B3GALT1: variants seen among roughly 807,000 people sequenced by gnomAD.
B3GALT1 encodes the protein UDP-Gal:betaGlcNAc beta 1,3-galactosyltransferase, polypeptide 1.
A neutral mutation model predicts 23.2 loss-of-function variants in B3GALT1; 10 were observed. The observed-to-expected ratio is 0.43, with a 90% CI of 0.27 to 0.73. The LOEUF (loss-of-function observed/expected upper bound fraction) is 0.73, where lower values mean the gene tolerates loss of function less well. Ranked by LOEUF, B3GALT1 falls within the 30% of genes least tolerant of loss-of-function variation. The pLI is 0.21. For synonymous variants in B3GALT1, 156 were observed against 141.5 expected (o/e 1.10, Z -0.73); for missense variants, 299 against 405.4 (o/e 0.74, Z 2.25).
intron 2 of B3GALT1, among the ~76,000 whole-genome samples, chr2:167,494,828 A>G (rs1439372273): frequency 6.6e-6 from 1 of 152,144 alleles, no homozygotes; most frequent in Non-Finnish European, 1.5e-5. Flanking sequence ...ATCATTTGGG[A>G]GACATTTTGA....
intron 3 of B3GALT1, among the ~76,000 whole-genome samples, chr2:167,799,465 C>G (rs550832861): frequency 5.8e-4 from 88 of 152,220 alleles, no homozygotes; most frequent in African/African-American, 2.0e-3. Context: ...TTAAAAGAAG[C>G]CTGCATCCAA....
At chr2:167,626,794 T>C (rs903727188) in intron 2 of B3GALT1, among the ~76,000 whole-genome samples, 5 of 151,736 alleles carry the variant, frequency 3.3e-5, no homozygotes, top group East Asian at 1.9e-4. Flanking sequence ...CAAATACATA[T>C]AGTAAATATT....
At chr2:167,487,912 CA>C (rs1378249382) in intron 1 of B3GALT1, among the ~76,000 whole-genome samples, 1 of 152,008 alleles carries the variant, frequency 6.6e-6, no homozygotes, top group African/African-American at 2.4e-5. Context: ...GCAGAATGAC[CA>C]GAAGTAGATG....
intron 2 of B3GALT1, among the ~76,000 whole-genome samples, chr2:167,520,244 G>T (rs1288216563): frequency 6.6e-6 from 1 of 152,068 alleles, no homozygotes; most frequent in Non-Finnish European, 1.5e-5. Flanking sequence ...AAGGATTGTG[G>T]GAATTTAACC....
At chr2:167,573,839 A>C (rs1244222549) in intron 2 of B3GALT1, among the ~76,000 whole-genome samples, 1 of 151,692 alleles carries the variant, frequency 6.6e-6, no homozygotes, top group African/African-American at 2.4e-5. Context: ...TAAAGAATAA[A>C]TAATCTGACA....
Position 167,528,680 on chromosome 2 carries a change from G to GT in B3GALT1, c.-410+38409dup, listed in dbSNP as rs371226551. Among the ~76,000 whole-genome samples the GT allele has an allele frequency of 1.0e-3, 159 of 152,264 alleles. 2 individuals carry two copies. The highest frequency in any genetic ancestry group is 3.7e-3 in the African/African-American group (153 of 41,554). On this transcript the variant is annotated intron_variant, in intron 2 of 4. Coordinates refer to ENST00000392690, the MANE Select transcript of B3GALT1 (RefSeq NM_020981.4). ...GAAATAGAACTACATGCTCTATACAGTTTTTTCATTAATTCTTCTCTTGTT... is the reference window on the plus strand; with the variant it reads ...GAAATAGAACTACATGCTCTATACAGTTTTTTTCATTAATTCTTCTCTTGTT...
At chr2:167,545,824 C>A (rs181113817) in intron 2 of B3GALT1, among the ~76,000 whole-genome samples, 4 of 152,268 alleles carry the variant, frequency 2.6e-5, no homozygotes, top group Non-Finnish European at 5.9e-5. Flanking sequence ...TAACCCTTAT[C>A]CAAAATGCTT....
intron 3 of B3GALT1, among the ~76,000 whole-genome samples, chr2:167,735,282 G>T (rs1402769676): frequency 6.6e-6 from 1 of 152,096 alleles, no homozygotes; most frequent in Non-Finnish European, 1.5e-5. Context: ...TTGTTACTTT[G>T]GACTTGCCAA....
chr2:167,721,490 T>C (rs989301205), intron 3 of B3GALT1, among the ~76,000 whole-genome samples: 3 of 152,128 alleles, frequency 2.0e-5, no homozygotes, highest in South Asian at 2.1e-4. Flanking sequence ...GCCAGATGTA[T>C]CTTAAGAGAG....
intron 1 of B3GALT1, among the ~76,000 whole-genome samples, chr2:167,459,767 C>T (rs898712816): frequency 8.5e-5 from 13 of 152,114 alleles, no homozygotes; most frequent in African/African-American, 1.9e-4. Flanking sequence ...CTCCCTTGAA[C>T]GTTTCTTGCA....
intron 1 of B3GALT1, among the ~76,000 whole-genome samples, chr2:167,456,766 G>C (rs1020708156): frequency 1.3e-5 from 2 of 152,138 alleles, no homozygotes; most frequent in Non-Finnish European, 2.9e-5. Context: ...GGATATGGGT[G>C]GGGGGCATGT....
chr2:167,460,545 G>A (rs934844991), intron 1 of B3GALT1, among the ~76,000 whole-genome samples: 19 of 151,714 alleles, frequency 1.3e-4, no homozygotes, highest in East Asian at 1.9e-4. Context: ...AAACCTTTGG[G>A]CAACTTTAAG....
rs944362962 is a variant in B3GALT1, at chr2:167,440,128, G to A, written c.-510-50049G>A. On this transcript the variant is annotated intron_variant, in intron 1 of 4. Transcript: ENST00000392690. Reference sequence around the variant, plus strand: ...GGAGGCCGAGGCGGGCGGATCACGAGGTCAGGAGATCAAGACCATCCTGGC... The same window carrying A: ...GGAGGCCGAGGCGGGCGGATCACGAAGTCAGGAGATCAAGACCATCCTGGC... Among the ~76,000 whole-genome samples, 19 of 151,906 alleles carry A rather than the reference G, an allele frequency of 1.3e-4. No homozygotes were observed. In the East Asian group the frequency reaches 3.7e-3, roughly 29 times the overall value.
At chr2:167,668,011 G>A (rs1420095604) in intron 3 of B3GALT1, among the ~76,000 whole-genome samples, 1 of 152,212 alleles carries the variant, frequency 6.6e-6, no homozygotes, top group Non-Finnish European at 1.5e-5. Flanking sequence ...TCCTTTGGAG[G>A]AGGAGAGGCG....
chr2:167,371,205 A>C (rs1437161799), intron 1 of B3GALT1, among the ~76,000 whole-genome samples: 2 of 151,774 alleles, frequency 1.3e-5, no homozygotes, highest in Admixed American at 1.3e-4. Context: ...TTTTTTTATC[A>C]CTGCTATCCC....
intron 1 of B3GALT1, among the ~76,000 whole-genome samples, chr2:167,416,733 A>G (rs1296780138): frequency 6.6e-6 from 1 of 152,218 alleles, no homozygotes; most frequent in Non-Finnish European, 1.5e-5. Flanking sequence ...AAAGCCATAG[A>G]GATGGGGCTA....
intron 3 of B3GALT1, among the ~76,000 whole-genome samples, chr2:167,798,409 TG>T (rs1364453939): frequency 1.3e-5 from 2 of 152,204 alleles, no homozygotes; most frequent in African/African-American, 4.8e-5. Flanking sequence ...AGGGTTTTTA[TG>T]GTTTTGGGTT....
At chr2:167,795,245 G>A (rs1165790446) in intron 3 of B3GALT1, among the ~76,000 whole-genome samples, 2 of 152,168 alleles carry the variant, frequency 1.3e-5, no homozygotes, top group Admixed American at 1.3e-4. Flanking sequence ...GAATTAAAGA[G>A]AGCCAAAACT....
At chr2:167,568,096 T>G (rs1299341291) in intron 2 of B3GALT1, among the ~76,000 whole-genome samples, 1 of 152,170 alleles carries the variant, frequency 6.6e-6, no homozygotes, top group East Asian at 1.9e-4. Flanking sequence ...TAATAGTCCA[T>G]TATCTGGTTG....
Sources: gnomAD v4.1 joint callset for allele counts (sites outside exome capture counted in the v4.1 genomes callset) on GRCh38, gnomAD v4.1.1 for gene constraint, MANE v1.5 for transcripts, NCBI Gene and HGNC (gene_info 2026-07-23, HGNC 2026-07-21) for gene names.